Variants in LRRTM4 observed in about 807,000 individuals in gnomAD.
LRRTM4 encodes leucine-rich repeat transmembrane neuronal protein 4.
LRRTM4 carries 25 observed loss-of-function variants against 47.6 expected under a neutral mutation model. That is an observed-to-expected ratio of 0.53 (90% CI 0.38 to 0.73). LRRTM4 has a LOEUF of 0.73. Ranked by LOEUF, LRRTM4 falls within the 30% of genes least tolerant of loss-of-function variation. The probability of loss-of-function intolerance (pLI) is 0.00; values close to 1 mark genes in which losing one functional copy is unlikely to be tolerated. For missense variants in LRRTM4, 638 were observed against 713.4 expected, an observed-to-expected ratio of 0.89 and a Z score of 1.20; for synonymous variants, 311 against 269.5, an observed-to-expected ratio of 1.15 and a Z score of -1.51.
At chr2:77,520,338 T>TAACCC (rs1321040550) in intron 2 of LRRTM4, among the ~76,000 whole-genome samples, 8 of 152,094 alleles carry the variant, frequency 5.3e-5, no homozygotes, top group Non-Finnish European at 1.0e-4. Context: ...AGAGCTTCAG[T>TAACCC]AAGCTGTCAA....
At chr2:76,956,058 C>A (rs1165833246) in intron 3 of LRRTM4, among the ~76,000 whole-genome samples, 1 of 149,656 alleles carries the variant, frequency 6.7e-6, no homozygotes, top group East Asian at 2.0e-4. Context: ...TAATATTCAA[C>A]TGTAGGCTGT....
chr2:77,520,599 A>G (rs1289220209), intron 2 of LRRTM4, among the ~76,000 whole-genome samples: 1 of 152,102 alleles, frequency 6.6e-6, no homozygotes, highest in Admixed American at 6.6e-5. Flanking sequence ...CAAAGTTAAG[A>G]CTATCAAAAT....
intron 3 of LRRTM4, among the ~76,000 whole-genome samples, chr2:76,943,022 A>G (rs1311970604): frequency 6.6e-6 from 1 of 152,170 alleles, no homozygotes; most frequent in Admixed American, 6.5e-5. Context: ...TGATTTTGAG[A>G]ATCATAAATA....
chr2:77,444,725 A>G (rs891082692), intron 3 of LRRTM4, among the ~76,000 whole-genome samples: 2 of 151,934 alleles, frequency 1.3e-5, no homozygotes, highest in Non-Finnish European at 2.9e-5. Flanking sequence ...TGTTTATTAA[A>G]CTCACAGGTT....
intron 3 of LRRTM4, among the ~76,000 whole-genome samples, chr2:76,902,355 A>G (rs971500732): frequency 6.6e-6 from 1 of 152,178 alleles, no homozygotes; most frequent in Admixed American, 6.5e-5. Flanking sequence ...ATTTAAAAAA[A>G]ATAATTAGCC....
At chr2:77,410,423 G>A (rs556577172) in intron 3 of LRRTM4, among the ~76,000 whole-genome samples, 1 of 152,188 alleles carries the variant, frequency 6.6e-6, no homozygotes, top group Admixed American at 6.5e-5. Flanking sequence ...TAAAGATTTT[G>A]GTCCTCATAT....
Position 76,792,686 on chromosome 2 carries a change from A to ATAGACTTGTAGAATTCT in LRRTM4, c.1552-43787_1552-43771dup, listed in dbSNP as rs1422648884. The stretch of plus-strand genomic sequence containing the variant: ...TTGAATACTAGATGAAGACCCTCTT[A>ATAGACTTGTAGAATTCT]TAGACTTGTAGAATTCTTTGTGCCA... On this transcript the variant is annotated intron_variant, in intron 3 of 3. Transcript: ENST00000409884. Among the ~76,000 whole-genome samples, 3 of 151,044 alleles carry ATAGACTTGTAGAATTCT rather than the reference A, an allele frequency of 2.0e-5. No homozygotes were observed. The East Asian group carries it at 5.8e-4, about 29-fold the overall frequency.
chr2:76,951,778 C>T (rs1200400755), intron 3 of LRRTM4, among the ~76,000 whole-genome samples: 1 of 151,866 alleles, frequency 6.6e-6, no homozygotes, highest in African/African-American at 2.4e-5. Context: ...CTCTCCCTCC[C>T]CTTGCTCCCC....
intron 3 of LRRTM4, among the ~76,000 whole-genome samples, chr2:76,962,545 T>C (rs1573374203): frequency 6.6e-6 from 1 of 150,772 alleles, no homozygotes; most frequent in East Asian, 2.0e-4. Context: ...ACAATATAAA[T>C]AGCTGAACTT....
chr2:77,489,083 T>G (rs959271859), intron 3 of LRRTM4, among the ~76,000 whole-genome samples: 5 of 152,048 alleles, frequency 3.3e-5, no homozygotes, highest in Admixed American at 6.6e-5. Flanking sequence ...ACCTACTATT[T>G]TATCTAACAG....
At chr2:76,865,635 C>G (rs1376628415) in intron 3 of LRRTM4, among the ~76,000 whole-genome samples, 1 of 152,008 alleles carries the variant, frequency 6.6e-6, no homozygotes, top group Non-Finnish European at 1.5e-5. Context: ...TCCTATAATT[C>G]CTAAGATATA....
At chr2:77,351,722 G>A (rs1244668122) in intron 3 of LRRTM4, among the ~76,000 whole-genome samples, 1 of 150,958 alleles carries the variant, frequency 6.6e-6, no homozygotes, top group Non-Finnish European at 1.5e-5. Flanking sequence ...GATTTATATT[G>A]AGTCATGAAT....
intron 3 of LRRTM4, among the ~76,000 whole-genome samples, chr2:77,416,691 T>C (rs1674646474): frequency 6.6e-6 from 1 of 151,858 alleles, no homozygotes; most frequent in African/African-American, 2.4e-5. Flanking sequence ...CCACCAGAAA[T>C]AGGCATCCCA....
intron 3 of LRRTM4, among the ~76,000 whole-genome samples, chr2:77,370,757 C>A (rs954014027): frequency 1.3e-5 from 2 of 151,678 alleles, no homozygotes; most frequent in African/African-American, 2.4e-5. Context: ...GACTTAAGTG[C>A]TCTTGTCGTG....
chr2:77,345,203 C>T (rs947895093), intron 3 of LRRTM4, among the ~76,000 whole-genome samples: 1 of 151,360 alleles, frequency 6.6e-6, no homozygotes, highest in Non-Finnish European at 1.5e-5. Context: ...GCAGACCTAA[C>T]AAACACATCA....
chr2:77,440,347 G>A (rs1675790071), intron 3 of LRRTM4, among the ~76,000 whole-genome samples: 1 of 152,130 alleles, frequency 6.6e-6, no homozygotes, highest in Admixed American at 6.5e-5. Flanking sequence ...TCGGGAGGTG[G>A]AGCTTGCAGT....
intron 3 of LRRTM4, among the ~76,000 whole-genome samples, chr2:76,811,860 A>G (rs4516455): frequency 0.043 from 6,552 of 152,212 alleles, 452 homozygotes; most frequent in African/African-American, 0.14. Context: ...AGAAATTTGC[A>G]GGGATGAAGG....
intron 3 of LRRTM4, among the ~76,000 whole-genome samples, chr2:77,438,677 A>G (rs1415770761): frequency 6.6e-6 from 1 of 152,146 alleles, no homozygotes; most frequent in African/African-American, 2.4e-5. Context: ...AAGGGCTGGG[A>G]TTACAGGCGT....
intron 3 of LRRTM4, among the ~76,000 whole-genome samples, chr2:76,749,172 A>G (rs575103018): frequency 4.5e-4 from 68 of 152,190 alleles, no homozygotes; most frequent in Non-Finnish European, 7.1e-4. Flanking sequence ...CTAGCTAGCC[A>G]TTGCAATAAC....
Sources: gnomAD v4.1 joint callset for allele counts (sites outside exome capture counted in the v4.1 genomes callset) on GRCh38, gnomAD v4.1.1 for gene constraint, MANE v1.5 for transcripts, NCBI Gene and HGNC (gene_info 2026-07-23, HGNC 2026-07-21) for gene names.